The following TXNDC16 variants were observed in gnomAD, a reference collection of about 807,000 sequenced individuals.
TXNDC16 encodes the protein thioredoxin domain containing 16.
TXNDC16 carries 74 observed loss-of-function variants against 85.6 expected under a neutral mutation model. The observed-to-expected ratio is 0.86, with a 90% CI of 0.72 to 1.05. TXNDC16 has a LOEUF of 1.05. Among genes scored for constraint, TXNDC16 ranks in the 50% least tolerant of loss-of-function variants. The pLI is 0.00. For synonymous variants in TXNDC16, 335 were observed against 326.5 expected (o/e 1.03, Z -0.28); for missense variants, 959 against 947.0 (o/e 1.01, Z -0.17).
intron 8 of TXNDC16, among the ~76,000 whole-genome samples, chr14:52,513,853 AC>A (rs1341170147): frequency 4.6e-5 from 7 of 152,098 alleles, no homozygotes; most frequent in African/African-American, 1.7e-4. Flanking sequence ...ATGAGAGAAT[AC>A]AAACAACTAA....
At chr14:52,513,342 C>T (rs2037000411) in intron 8 of TXNDC16, among the ~76,000 whole-genome samples, 1 of 152,118 alleles carries the variant, frequency 6.6e-6, no homozygotes, top group Non-Finnish European at 1.5e-5. Flanking sequence ...ATTCACCTCA[C>T]TCCTATTAGG....
chr14:52,471,487 G>C (rs150553783), intron 14 of TXNDC16, among the ~76,000 whole-genome samples: 5 of 152,054 alleles, frequency 3.3e-5, no homozygotes, highest in African/African-American at 9.7e-5. Context: ...CAACTTCAAG[G>C]ACTAGCCTTC....
chr14:52,481,020 A>G (rs1462747346), intron 14 of TXNDC16, among the ~76,000 whole-genome samples: 2 of 148,482 alleles, frequency 1.3e-5, no homozygotes. Flanking sequence ...CTACTCAGCC[A>G]CAAAAAGGAA....
At chr14:52,528,705 T>C (rs1011703838) in intron 6 of TXNDC16, among the ~76,000 whole-genome samples, 7 of 150,442 alleles carry the variant, frequency 4.7e-5, no homozygotes, top group African/African-American at 1.7e-4. Flanking sequence ...ACTATTTTGT[T>C]TATTATTAAT....
chr14:52,515,669 A>ATGTGTGTGTGTG (rs57407287), intron 7 of TXNDC16, among the ~76,000 whole-genome samples: 6 of 144,246 alleles, frequency 4.2e-5, no homozygotes, highest in African/African-American at 1.5e-4. Flanking sequence ...TTTCATACAT[A>ATGTGTGTGTGTG]TGTGTGTGTG....
rs774165601 is a variant in TXNDC16 at position 52,432,323 on chromosome 14, CCTAA to C, written c.2455_2458del (p.Leu819AspfsTer5). On this transcript the variant is annotated frameshift_variant, in exon 21 of 21. Transcript: ENST00000281741. LOFTEE classifies it high-confidence loss of function. ...ATAAAATTAGTTCACTTTTGAGCATCCTAACTCTTTATCACGTCTAAATGATTTT... is the reference window on the plus strand; with the variant it reads ...ATAAAATTAGTTCACTTTTGAGCATCCTCTTTATCACGTCTAAATGATTTT... 9 of 1,612,252 alleles carry C rather than the reference CCTAA, an allele frequency of 5.6e-6. No homozygotes were observed. The highest frequency in any genetic ancestry group is 2.2e-5 in the East Asian group (1 of 44,820).
chr14:52,511,950 A>G (rs1301479490), intron 8 of TXNDC16, among the ~76,000 whole-genome samples: 1 of 152,192 alleles, frequency 6.6e-6, no homozygotes, highest in Non-Finnish European at 1.5e-5. Context: ...CATTCCCTTC[A>G]GCATGAGAAT....
chr14:52,452,892 G>A (rs145168915), intron 18 of TXNDC16, among the ~76,000 whole-genome samples: 1 of 152,184 alleles, frequency 6.6e-6, no homozygotes, highest in Non-Finnish European at 1.5e-5. Context: ...AAAGTGGAGA[G>A]AGAGCCCACA....
chr14:52,526,046 T>C (rs549775845), intron 6 of TXNDC16, among the ~76,000 whole-genome samples: 139 of 152,284 alleles, frequency 9.1e-4, no homozygotes, highest in East Asian at 7.7e-4. Context: ...TTTGATCCGC[T>C]TATGGTTGAA....
Position 52,439,403 on chromosome 14 carries a change from G to C in TXNDC16, c.2004-9C>G. On this transcript the variant is annotated splice_polypyrimidine_tract_variant and intron_variant, in intron 19 of 20. Coordinates refer to ENST00000281741, the MANE Select transcript of TXNDC16 (RefSeq NM_020784.3). ...CCACTGGAGTATTCTTTCTGCAAAA[G>C]GGAACAATTGAACATATTAATATTT... 6.2e-7 allele frequency: 1 copy of C among 1,605,988 alleles called. No homozygotes were observed. The highest frequency in any genetic ancestry group is 2.2e-5 in the East Asian group (1 of 44,750).
chr14:52,544,972 A>C (rs778251414), intron 1 of TXNDC16, among the ~76,000 whole-genome samples: 1 of 152,164 alleles, frequency 6.6e-6, no homozygotes, highest in African/African-American at 2.4e-5. Context: ...ACTTTATATT[A>C]ATAGGGATGT....
intron 16 of TXNDC16, among the ~76,000 whole-genome samples, chr14:52,459,016 A>G (rs182830049): frequency 5.8e-4 from 89 of 152,318 alleles, no homozygotes; most frequent in Non-Finnish European, 1.0e-4. Context: ...TCCTTGGTAA[A>G]AACTGTATAT....
chr14:52,552,011 G>A (rs150909548), intron 1 of TXNDC16, among the ~76,000 whole-genome samples: 1 of 152,304 alleles, frequency 6.6e-6, no homozygotes, highest in Non-Finnish European at 1.5e-5. Context: ...TTCCTTAAGA[G>A]ACATTTCCCT....
intron 18 of TXNDC16, among the ~76,000 whole-genome samples, chr14:52,452,299 T>G (rs543873988): frequency 1.3e-5 from 2 of 152,172 alleles, no homozygotes; most frequent in Non-Finnish European, 2.9e-5. Context: ...AAAATACCAA[T>G]GATATTCTTC....
At chr14:52,497,678 G>A (rs1266866482) in intron 9 of TXNDC16, among the ~76,000 whole-genome samples, 6 of 152,064 alleles carry the variant, frequency 3.9e-5, no homozygotes, top group Admixed American at 2.6e-4. Context: ...TCAGGAGTTC[G>A]AGACCAGCCT....
intron 6 of TXNDC16, among the ~76,000 whole-genome samples, chr14:52,529,553 A>C (rs1420801503): frequency 9.9e-6 from 1 of 101,128 alleles, no homozygotes; most frequent in Non-Finnish European, 1.9e-5. Context: ...TATATATAAT[A>C]TATATAATGC....
chr14:52,449,822 A>G (rs530512781), intron 18 of TXNDC16, among the ~76,000 whole-genome samples: 39 of 152,284 alleles, frequency 2.6e-4, no homozygotes, highest in Admixed American at 5.2e-4. Context: ...ATACAAACAC[A>G]TGGAAATTAA....
At chr14:52,490,513 A>G in intron 10 of TXNDC16, 62 bp from the exon 11 acceptor site, 1 of 1,235,778 alleles carries the variant, frequency 8.1e-7, no homozygotes, top group Non-Finnish European at 1.1e-6. Context: ...GTCACCCAGG[A>G]CTTCAATAGA....
At chr14:52,458,015 T>G (rs1018399998) in intron 16 of TXNDC16, among the ~76,000 whole-genome samples, 1 of 152,134 alleles carries the variant, frequency 6.6e-6, no homozygotes, top group East Asian at 1.9e-4. Context: ...AGAAAAACAC[T>G]CATGGAAGAA....
Sources: allele counts gnomAD v4.1 joint callset (sites outside exome capture counted in the v4.1 genomes callset), GRCh38; gene constraint gnomAD v4.1.1; transcripts MANE v1.5; gene names NCBI Gene and HGNC (gene_info 2026-07-23, HGNC 2026-07-21).